Variants in XRN1 observed in about 807,000 individuals in gnomAD.
XRN1 encodes the protein 5'-3' exoribonuclease 1.
In XRN1, 67 loss-of-function variants were observed where a neutral mutation model predicts 222.3. That is an observed-to-expected ratio of 0.30 (90% CI 0.25 to 0.37). The LOEUF is 0.37. Ranked by LOEUF, XRN1 falls within the 10% of genes least tolerant of loss-of-function variation. The probability of loss-of-function intolerance (pLI) is 1.00; values close to 1 mark genes in which losing one functional copy is unlikely to be tolerated. For synonymous variants in XRN1, 643 were observed against 652.4 expected (o/e 0.99, Z 0.22); for missense variants, 1,707 against 2,000.2 (o/e 0.85, Z 2.80).
At chr3:142,358,511 T>C (rs2066526341) in intron 30 of XRN1, among the ~76,000 whole-genome samples, 1 of 152,206 alleles carries the variant, frequency 6.6e-6, no homozygotes, top group Non-Finnish European at 1.5e-5. Context: ...AAAGATTCTG[T>C]ATTACAGAAA....
chr3:142,435,725 C>G (rs1423235200), intron 1 of XRN1, among the ~76,000 whole-genome samples: 1 of 147,654 alleles, frequency 6.8e-6, no homozygotes, highest in African/African-American at 2.6e-5. Flanking sequence ...CCACTGCACT[C>G]CAGCCTTGGC....
At chr3:142,426,868 T>C in intron 2 of XRN1, 27 bp from the exon 3 acceptor site, 1 of 1,590,024 alleles carries the variant, frequency 6.3e-7, no homozygotes, top group Non-Finnish European at 8.6e-7. Flanking sequence ...AAAAAGTACC[T>C]TAAGTTTTCT....
intron 29 of XRN1, among the ~76,000 whole-genome samples, chr3:142,362,428 G>A (rs540457224): frequency 1.6e-3 from 248 of 151,710 alleles, no homozygotes; most frequent in African/African-American, 5.7e-3. Context: ...GAGCTACTGC[G>A]CCCGTCTCTA....
chr3:142,338,162 T>TCCCCAACTC (rs2065897639), intron 33 of XRN1, among the ~76,000 whole-genome samples: 1 of 151,954 alleles, frequency 6.6e-6, no homozygotes, highest in Non-Finnish European at 1.5e-5. Flanking sequence ...TGCCACCACT[T>TCCCCAACTC]CCCCAACTCC....
In XRN1 at chr3:142,329,571, C is replaced by G; in HGVS notation, c.4267G>C (p.Val1423Leu). 1.3e-6 allele frequency: 2 copies of G among 1,577,350 alleles called. No homozygotes were observed. Among genetic ancestry groups the G allele is most frequent in the Non-Finnish European group, 1.7e-6 (2 of 1,166,328 alleles). Residue 1423 changes from valine to leucine, a missense_variant, in exon 37 of 41, where the codon GTT becomes CTT. Val to Leu is a conservative substitution (Grantham distance 32). Coordinates refer to ENST00000392981, the MANE Select transcript of XRN1 (RefSeq NM_001282857.2). The stretch of plus-strand genomic sequence containing the variant: ...CAACACATATTGTCCATAGACTGAA[C>G]ATTATGGTACTCATTAGCACTGTGA... ...KPHSANEYHNVQSMDNMCWPA... is the reference protein window; with the variant it reads ...KPHSANEYHNLQSMDNMCWPA...
intron 1 of XRN1, among the ~76,000 whole-genome samples, chr3:142,440,209 G>A (rs1445970219): frequency 1.3e-5 from 2 of 151,832 alleles, no homozygotes; most frequent in South Asian, 2.1e-4. Context: ...GTCACTATCC[G>A]AGGGGTCCTA....
At chr3:142,410,487 GTTTTTTTTTTTTT>G (rs751870329) in intron 15 of XRN1, among the ~76,000 whole-genome samples, 3 of 68,072 alleles carry the variant, frequency 4.4e-5, no homozygotes, top group Non-Finnish European at 7.7e-5. Context: ...TCTATCTCAT[GTTTTTTTTTTTTT>G]TTTTTTTTTT....
At chr3:142,354,967 A>G (rs563166664) in intron 32 of XRN1, among the ~76,000 whole-genome samples, 5 of 152,338 alleles carry the variant, frequency 3.3e-5, no homozygotes, top group African/African-American at 1.2e-4. Context: ...GTGAATGAAT[A>G]TAAGAACAGA....
intron 20 of XRN1, among the ~76,000 whole-genome samples, chr3:142,394,830 G>GA (rs999021571): frequency 6.6e-6 from 1 of 151,790 alleles, no homozygotes; most frequent in East Asian, 1.9e-4. Context: ...ATTTTCATCA[G>GA]AAAAAAAATT....
intron 30 of XRN1, 100 bp downstream of exon 30, chr3:142,359,762 C>T (rs1456876600): frequency 2.3e-6 from 2 of 856,060 alleles, no homozygotes; most frequent in Non-Finnish European, 3.6e-6. Context: ...ACGTCTTACA[C>T]ATCCCACAAA....
Position 142,312,715 on chromosome 3 carries a change from T to C in XRN1, c.4665A>G (p.Pro1555=), listed in dbSNP as rs1273658158. ...CAGGAACTGGCACCGATGGTCCCCA[T>C]GGCATTGAGCCAAAGAGATGAGACG... The part of the protein sequence containing the change: ...PSSSHLFGSM[P]WGPSVPVPGK... Residue 1555 remains proline, a synonymous_variant, in exon 40 of 41, where the codon CCA becomes CCG. Coordinates refer to ENST00000392981, the MANE Select transcript of XRN1 (RefSeq NM_001282857.2). 2.5e-6 allele frequency: 4 copies of C among 1,613,764 alleles called. No homozygotes were observed. The highest frequency in any genetic ancestry group is 1.3e-5 in the African/African-American group (1 of 75,050).
intron 39 of XRN1, chr3:142,313,137 T>G: frequency 6.2e-7 from 1 of 1,612,006 alleles, no homozygotes. Flanking sequence ...GGATCTCACC[T>G]GCCCCCAATG....
At chr3:142,367,109 G>A (rs987962863) in intron 27 of XRN1, among the ~76,000 whole-genome samples, 61 of 152,274 alleles carry the variant, frequency 4.0e-4, no homozygotes, top group African/African-American at 1.5e-3. Flanking sequence ...CCAACATGGA[G>A]AAACCCTGTC....
intron 2 of XRN1, among the ~76,000 whole-genome samples, chr3:142,432,402 T>TA (rs1171693282): frequency 6.6e-6 from 1 of 150,950 alleles, no homozygotes; most frequent in Non-Finnish European, 1.5e-5. Flanking sequence ...GCCTGGGTGA[T>TA]AGAGTGAGAT....
intron 27 of XRN1, among the ~76,000 whole-genome samples, chr3:142,365,941 TAAA>T (rs1172483655): frequency 6.6e-6 from 1 of 152,182 alleles, no homozygotes; most frequent in Non-Finnish European, 1.5e-5. Flanking sequence ...TGGCCACTTA[TAAA>T]AATTATGGTG....
At chr3:142,396,159 T>G (rs192298418) in intron 20 of XRN1, among the ~76,000 whole-genome samples, 1 of 152,352 alleles carries the variant, frequency 6.6e-6, no homozygotes, top group East Asian at 1.9e-4. Context: ...GTATCTATTA[T>G]GGCAGGTATC....
At chr3:142,362,554 T>A (rs2066675658) in intron 29 of XRN1, among the ~76,000 whole-genome samples, 1 of 151,860 alleles carries the variant, frequency 6.6e-6, no homozygotes, top group African/African-American at 2.4e-5. Context: ...ATTACAGGCA[T>A]GAGTGCCCGG....
At chr3:142,372,911 G>C (rs980845927) in intron 25 of XRN1, among the ~76,000 whole-genome samples, 5 of 152,206 alleles carry the variant, frequency 3.3e-5, no homozygotes, top group Non-Finnish European at 5.9e-5. Context: ...GTCCTCTGTA[G>C]AAACAGGAAA....
rs575248664 is a variant in XRN1, at chr3:142,406,035, A to G, written c.1714-959T>C. Among the ~76,000 whole-genome samples, 6 of 152,280 alleles carry G rather than the reference A, an allele frequency of 3.9e-5. No homozygotes were observed. In the South Asian group the frequency reaches 1.2e-3, roughly 32 times the overall value. ...GATACTGGGGAAAACTATTTCTAAT[A>G]TATAAAGTAGCTAAAAATCAAAAGA... On this transcript the variant is annotated intron_variant, in intron 15 of 40. Coordinates refer to ENST00000392981, the MANE Select transcript of XRN1 (RefSeq NM_001282857.2).
Sources: gnomAD v4.1 joint callset for allele counts (sites outside exome capture counted in the v4.1 genomes callset) on GRCh38, gnomAD v4.1.1 for gene constraint, MANE v1.5 for transcripts, NCBI Gene and HGNC (gene_info 2026-07-23, HGNC 2026-07-21) for gene names.